The following RAVER1 variants were observed in gnomAD, a reference collection of about 807,000 sequenced individuals.
RAVER1 encodes ribonucleoprotein PTB-binding 1.
In RAVER1, 36 loss-of-function variants were observed where a neutral mutation model predicts 68.4. The ratio of observed to expected loss-of-function variants is 0.53; its 90% CI spans 0.40 to 0.70. The LOEUF (loss-of-function observed/expected upper bound fraction) is 0.70. RAVER1 is among the 30% of genes least tolerant of loss of function. RAVER1 has a pLI of 0.00. For synonymous variants in RAVER1, 469 were observed against 472.7 expected (o/e 0.99, Z 0.10); for missense variants, 933 against 1,019.8 (o/e 0.91, Z 1.16).
At chr19:10,321,336 AC>A in intron 7 of RAVER1, 77 bp from the exon 8 acceptor site, 2 of 842,536 alleles carry the variant, frequency 2.4e-6, no homozygotes, top group South Asian at 5.2e-5. Flanking sequence ...TCCCACCTGG[AC>A]CAGGGCCCAG....
rs777730031 is a variant in RAVER1, at chr19:10,319,221, A to G, written c.1790T>C (p.Leu597Pro). 3.7e-6 allele frequency: 6 copies of G among 1,613,604 alleles called. No individual in the cohort carries two copies. The African/African-American group carries it at 6.7e-5, about 18-fold the overall frequency. Residue 597 changes from leucine to proline, a missense_variant, in exon 10 of 13, where the codon CTC (leucine) becomes CCC (proline). Leu to Pro is a moderately conservative substitution (Grantham distance 98). Around this residue, in one of 3 missense-constraint regions of RAVER1, gnomAD observed 699 missense variants for 731.1 expected, o/e 0.96. Transcript: ENST00000617231. Reference sequence around the variant, plus strand: ...GGCTGGTTCCCGTGGGTGGGAGAAGAGCCGCCGAGGTCCCATGTCCTGAAT... The same window carrying G: ...GGCTGGTTCCCGTGGGTGGGAGAAGGGCCGCCGAGGTCCCATGTCCTGAAT... ...DYPSDMGPRR[L>P]FSHPREPALG...
Position 10,323,123 on chromosome 19 carries a change from C to A in RAVER1, c.1078+22G>T, listed in dbSNP as rs1033958713. On this transcript the variant is annotated intron_variant, in intron 5 of 12. Coordinates refer to ENST00000617231, the MANE Select transcript of RAVER1 (RefSeq NM_133452.3). This position sits in a 1 kb window ranked among gnomAD's most constrained non-coding sequence, Gnocchi z 6.2. The stretch of plus-strand genomic sequence containing the variant: ...GCAGCCCCTGTTCTGCACAGTGGGG[C>A]CCCTGTCCAGCCCCACCTTACCCTG... 32 of 1,552,564 alleles carry A rather than the reference C, an allele frequency of 2.1e-5. No individual in the cohort carries two copies. Among genetic ancestry groups the A allele is most frequent in the Non-Finnish European group, 2.7e-5 (31 of 1,149,396 alleles).
chr19:10,319,845 G>A (rs2040420872), intron 9 of RAVER1, among the ~76,000 whole-genome samples: 1 of 151,112 alleles, frequency 6.6e-6, no homozygotes, highest in South Asian at 2.1e-4. Context: ...TCTCCATGTT[G>A]GTCAGGCTGG....
At position 10,333,441 on chromosome 19, in the gene RAVER1, C is replaced by G; in HGVS notation, c.67G>C (p.Ala23Pro). 1 of 1,612,998 alleles carries G rather than the reference C, an allele frequency of 6.2e-7. No homozygotes were observed. Among genetic ancestry groups the G allele is most frequent in the South Asian group, 1.1e-5 (1 of 91,082 alleles). The change falls in exon 1 of 13, where the codon GCC (alanine) becomes CCC (proline). Residue 23 changes from alanine (A) to proline (P), a missense_variant. This residue lies in a region of RAVER1 where 211 missense variants were observed against 230.0 expected (regional missense o/e 0.92). Transcript: ENST00000617231. The surrounding 1 kb of genome is among the most constrained non-coding windows in gnomAD (Gnocchi z 4.2). The part of the protein sequence containing the change: ...LSPKSGAEVE[A>P]GDAAERRAPE... ...GCCCGGCGCTCCGCGGCATCGCCGGCTTCGACTTCGGCCCCAGACTTAGGG... is the reference window on the plus strand; with the variant it reads ...GCCCGGCGCTCCGCGGCATCGCCGGGTTCGACTTCGGCCCCAGACTTAGGG...
Position 10,323,133 on chromosome 19 carries a change from G to A in RAVER1, c.1078+12C>T, listed in dbSNP as rs2040450393. 2 of 1,572,176 alleles carry A rather than the reference G, an allele frequency of 1.3e-6. No homozygotes were observed. Among genetic ancestry groups the A allele is most frequent in the African/African-American group, 1.4e-5 (1 of 73,880 alleles). On this transcript the variant is annotated intron_variant, in intron 5 of 12. Coordinates refer to ENST00000617231, the MANE Select transcript of RAVER1 (RefSeq NM_133452.3). The surrounding 1 kb of genome is among the most constrained non-coding windows in gnomAD (Gnocchi z 6.2). Reference sequence around the variant, plus strand: ...TTCTGCACAGTGGGGCCCCTGTCCAGCCCCACCTTACCCTGCTTCCCCCCC... The same window carrying A: ...TTCTGCACAGTGGGGCCCCTGTCCAACCCCACCTTACCCTGCTTCCCCCCC...
At chr19:10,318,124 C>A (rs1328096078) in intron 11 of RAVER1, 105 bp downstream of exon 11, 2 of 1,001,636 alleles carry the variant, frequency 2.0e-6, no homozygotes, top group South Asian at 1.6e-5. Context: ...CCTGCCACCA[C>A]CCCAGCTTTG....
In RAVER1 at chr19:10,333,013, C is replaced by T. The variant is rs539643820; in HGVS notation, c.219+276G>A. ...ATTCCCCAACAGGACCAAAGCTGTC[C>T]GCCCCCTTCCATTCCCCGCCCGCTT... On this transcript the variant is annotated intron_variant, in intron 1 of 12. Transcript: ENST00000617231. This position sits in a 1 kb window ranked among gnomAD's most constrained non-coding sequence, Gnocchi z 4.2. Among the ~76,000 whole-genome samples, 35 of 152,272 alleles carry T rather than the reference C, an allele frequency of 2.3e-4. No individual in the cohort carries two copies. The highest frequency in any genetic ancestry group is 8.4e-4 in the African/African-American group (35 of 41,550).
rs2040394181 is a variant in RAVER1 at position 10,316,972 on chromosome 19, A to C, written c.*482T>G. ...GGTGGCCCGGACAGGCCGGGCCTTG[A>C]AGGAATCAGAGCTGGGGGCTGTCCG... On this transcript the variant is annotated 3_prime_UTR_variant, in exon 13 of 13. Coordinates refer to ENST00000617231, the MANE Select transcript of RAVER1 (RefSeq NM_133452.3). 5.4e-6 allele frequency: 1 copy of C among 185,368 alleles called. No individual in the cohort carries two copies. Among genetic ancestry groups the C allele is most frequent in the Admixed American group, 6.0e-5 (1 of 16,612 alleles). 11.5% of individuals were successfully genotyped at this position (185,368 alleles called of 1,614,324 possible).
intron 2 of RAVER1, 97 bp downstream of exon 2, chr19:10,330,363 C>T: frequency 1.5e-6 from 1 of 654,842 alleles, no homozygotes; most frequent in Non-Finnish European, 2.8e-6. Context: ...GGGGGCAATA[C>T]TGGGCCTGAA....
Position 10,320,720 on chromosome 19 carries a change from G to T in RAVER1, c.1705C>A (p.Leu569Ile), listed in dbSNP as rs746660785. 1 of 1,546,226 alleles carries T rather than the reference G, an allele frequency of 6.5e-7. No homozygotes were observed. ...FQLKSRLLSP[L>I]SSARLPPEPG... ...TCGGGGGGCAGGCGGGCGCTGCTGA[G>T]GGGGCTGAGCAGGCGGGACTTGAGC... The change falls in exon 9 of 13, where the codon CTC (leucine) becomes ATC (isoleucine). Residue 569 changes from leucine (L) to isoleucine (I), a missense_variant. Leu to Ile is a conservative substitution (Grantham distance 5). Transcript: ENST00000617231.
In RAVER1 at chr19:10,322,467, C is replaced by A; in HGVS notation, c.1173+178G>T. 1 of 534,442 alleles carries A rather than the reference C, an allele frequency of 1.9e-6. No individual in the cohort carries two copies. The highest frequency in any genetic ancestry group is 3.2e-6 in the Non-Finnish European group (1 of 307,798). 33.1% of individuals were successfully genotyped at this position (534,442 alleles called of 1,614,324 possible). On this transcript the variant is annotated intron_variant, in intron 6 of 12. Transcript: ENST00000617231. The surrounding 1 kb of genome is among the most constrained non-coding windows in gnomAD (Gnocchi z 4.3). ...GATGGCGAACCATCATGAGCAATTG[C>A]CAGAGGGGGATGGGGATGTGGGTGG... is the stretch of plus-strand genomic sequence containing the variant.
At chr19:10,318,602 C>T (rs1285126710) in intron 10 of RAVER1, among the ~76,000 whole-genome samples, 10 of 152,140 alleles carry the variant, frequency 6.6e-5, no homozygotes, top group African/African-American at 2.4e-4. Flanking sequence ...TCAGGTGATC[C>T]GCCCACCTCG....
At position 10,323,871 on chromosome 19, in the gene RAVER1, G is replaced by A. The variant is rs1040595859; in HGVS notation, c.757-305C>T. ...CACCAACAAAGCCAAGGCCACGGGC[G>A]GATGCGGTGGCTCACACCTGTAATC... On this transcript the variant is annotated intron_variant, in intron 3 of 12. Coordinates refer to ENST00000617231, the MANE Select transcript of RAVER1 (RefSeq NM_133452.3). This position sits in a 1 kb window ranked among gnomAD's most constrained non-coding sequence, Gnocchi z 6.2. 3.3e-5 allele frequency among the ~76,000 whole-genome samples: 5 copies of A among 152,200 alleles called. No homozygotes were observed. Among genetic ancestry groups the A allele is most frequent in the African/African-American group, 7.2e-5 (3 of 41,462 alleles).
rs1309210448 is a variant in RAVER1 at position 10,321,552 on chromosome 19, G to A, written c.1240C>T (p.Leu414Phe). 4 of 1,367,490 alleles carry A rather than the reference G, an allele frequency of 2.9e-6. No individual in the cohort carries two copies. In the African/African-American group the frequency reaches 4.5e-5, roughly 15 times the overall value. 84.7% of individuals were successfully genotyped at this position (1,367,490 alleles called of 1,614,324 possible). ...TTACCTGCAGGCAGCTCCCCGAGGAGGGGGTTGGCTGGCTGGGCCCCAGGC... is the reference window on the plus strand; with the variant it reads ...TTACCTGCAGGCAGCTCCCCGAGGAAGGGGTTGGCTGGCTGGGCCCCAGGC... ...LQPGAQPANP[L>F]LGELPAGGGL... The change falls in exon 7 of 13, where the codon CTC becomes TTC. Residue 414 changes from leucine (L) to phenylalanine (F), a missense_variant. Physicochemically the swap from Leu to Phe is conservative, Grantham distance 22. Transcript: ENST00000617231.
In RAVER1 at chr19:10,321,527, T is replaced by C; in HGVS notation, c.1261+4A>G. On this transcript the variant is annotated splice_donor_region_variant and intron_variant, in intron 7 of 12. Coordinates refer to ENST00000617231, the MANE Select transcript of RAVER1 (RefSeq NM_133452.3). ...GGACACCGTGTGGGCAGGGTCTGCG[T>C]TACCTGCAGGCAGCTCCCCGAGGAG... 1.5e-6 allele frequency: 2 copies of C among 1,355,598 alleles called. No individual in the cohort carries two copies. Among genetic ancestry groups the C allele is most frequent in the Non-Finnish European group, 1.9e-6 (2 of 1,045,436 alleles). 84.0% of individuals were successfully genotyped at this position (1,355,598 alleles called of 1,614,324 possible).
intron 1 of RAVER1, among the ~76,000 whole-genome samples, chr19:10,331,371 A>C (rs549318810): frequency 1.5e-5 from 2 of 130,044 alleles, no homozygotes; most frequent in South Asian, 2.4e-4. Flanking sequence ...AAAAAAAAAA[A>C]AAAAAAAAAA....
rs368949589 is a variant in RAVER1 at position 10,317,487 on chromosome 19, C to T, written c.2187G>A (p.Ala729=). ...QHSQGLGGHY[A]DSYLKRKRIF Reference sequence around the variant, plus strand: ...TCCTCTTCCGCTTCAGGTAGGAGTCCGCGTAGTGGCCGCCGAGGCCCTGGG... The same window carrying T: ...TCCTCTTCCGCTTCAGGTAGGAGTCTGCGTAGTGGCCGCCGAGGCCCTGGG... Residue 729 remains alanine, a synonymous_variant, in exon 13 of 13, where the codon GCG becomes GCA. Coordinates refer to ENST00000617231, the MANE Select transcript of RAVER1 (RefSeq NM_133452.3). The surrounding 1 kb of genome is among the most constrained non-coding windows in gnomAD (Gnocchi z 4.3). 113 of 1,613,688 alleles carry T rather than the reference C, an allele frequency of 7.0e-5. No individual in the cohort carries two copies. Among genetic ancestry groups the T allele is most frequent in the Non-Finnish European group, 9.0e-5 (106 of 1,179,724 alleles).
chr19:10,325,627 C>T (rs1189524035), intron 3 of RAVER1, among the ~76,000 whole-genome samples: 1 of 152,120 alleles, frequency 6.6e-6, no homozygotes, highest in Admixed American at 6.6e-5. Context: ...CAGGCATGAG[C>T]CACTGTGCCC....
rs2040446175 is a variant in RAVER1, at chr19:10,322,633, T to A, written c.1173+12A>T. The stretch of plus-strand genomic sequence containing the variant: ...GCTGTAGAGCAGTGGGTGAGGGGGA[T>A]GCGTGTGTTACCTTCTGGCCCTGGG... On this transcript the variant is annotated intron_variant, in intron 6 of 12. Transcript: ENST00000617231. This position sits in a 1 kb window ranked among gnomAD's most constrained non-coding sequence, Gnocchi z 4.3. 1 of 1,521,514 alleles carries A rather than the reference T, an allele frequency of 6.6e-7. No individual in the cohort carries two copies. The allele number at this position is 1,521,514 out of a possible 1,614,324, so 94.3% of individuals were successfully genotyped here.
Sources: gnomAD v4.1 joint callset for allele counts (sites outside exome capture counted in the v4.1 genomes callset) on GRCh38, gnomAD v4.1.1 for gene constraint, gnomAD v4.1.1 regional missense constraint, Gnocchi (gnomAD v3.1) non-coding constraint, MANE v1.5 for transcripts, NCBI Gene and HGNC (gene_info 2026-07-23, HGNC 2026-07-21) for gene names.